The following RAB27A variants were observed in gnomAD, a reference collection of about 807,000 sequenced individuals.
The protein encoded by RAB27A is ras-related protein Rab-27A.
A neutral mutation model predicts 20.8 loss-of-function variants in RAB27A; 17 were observed. The observed-to-expected ratio is 0.82, with a 90% CI of 0.56 to 1.23. The LOEUF is 1.23. Among genes scored for constraint, RAB27A ranks in the 50% most tolerant of loss-of-function variants. RAB27A has a pLI of 0.00. For missense variants in RAB27A, 277 were observed against 266.7 expected (o/e 1.04, Z -0.27); for synonymous variants, 85 against 92.8 (o/e 0.92, Z 0.48).
intron 4 of RAB27A, 66 bp from the exon 5 acceptor site, chr15:55,228,778 G>A (rs1895918187): frequency 9.1e-7 from 1 of 1,104,838 alleles, no homozygotes; most frequent in Non-Finnish European, 1.4e-6. Context: ...AAAACTACAA[G>A]CAATGCCTTC....
chr15:55,220,553 G>A (rs1895522592), intron 6 of RAB27A, among the ~76,000 whole-genome samples: 1 of 152,056 alleles, frequency 6.6e-6, no homozygotes, highest in Admixed American at 6.5e-5. Flanking sequence ...TTGCAGGTAT[G>A]AGCCACCACA....
chr15:55,263,224 A>G lies in RAB27A; in HGVS notation c.-23+6941T>C, dbSNP rs1450904990. ...TTGCATTCGCCAGGGGGTAGGGGAG[A>G]GCAAAGGGAGGTAGTTCTCAGGGTA... On this transcript the variant is annotated intron_variant, in intron 2 of 6. Transcript: ENST00000336787. Among the ~76,000 whole-genome samples, 3 of 151,998 alleles carry G rather than the reference A, an allele frequency of 2.0e-5. No individual in the cohort carries two copies. In the East Asian group the frequency reaches 5.8e-4, roughly 29 times the overall value.
intron 2 of RAB27A, among the ~76,000 whole-genome samples, chr15:55,249,976 T>G (rs1229542734): frequency 1.3e-5 from 2 of 152,150 alleles, no homozygotes; most frequent in African/African-American, 4.8e-5. Flanking sequence ...TTTTTTGTTT[T>G]TTTGAGACAG....
upstream of RAB27A, among the ~76,000 whole-genome samples, chr15:55,293,064 C>G (rs928265490): frequency 6.6e-6 from 1 of 152,162 alleles, no homozygotes; most frequent in Admixed American, 6.5e-5. Context: ...GCCACAGAAT[C>G]GATCACAGTA....
Position 55,204,830 on chromosome 15 carries a change from A to G in RAB27A, c.*677T>C, listed in dbSNP as rs1595660707. 1 of 153,196 alleles carries G rather than the reference A, an allele frequency of 6.5e-6. No homozygotes were observed. The highest frequency in any genetic ancestry group is 1.9e-4 in the East Asian group (1 of 5,194). 9.5% of individuals were successfully genotyped at this position (153,196 alleles called of 1,614,324 possible). ...GACAGAAGTCCCACTTTGGTTGCTC[A>G]TATTACATTAAGCCAGCCTGCCCCA... On this transcript the variant is annotated 3_prime_UTR_variant, in exon 7 of 7. Coordinates refer to ENST00000336787, the MANE Select transcript of RAB27A (RefSeq NM_183235.3).
chr15:55,275,704 T>G (rs1351709541), intron 1 of RAB27A, among the ~76,000 whole-genome samples: 1 of 151,444 alleles, frequency 6.6e-6, no homozygotes, highest in African/African-American at 2.4e-5. Flanking sequence ...ATCCAAAATA[T>G]ACAAGAACCT....
chr15:55,253,732 C>T (rs1266712933), intron 2 of RAB27A, among the ~76,000 whole-genome samples: 1 of 149,316 alleles, frequency 6.7e-6, no homozygotes, highest in East Asian at 1.9e-4. Flanking sequence ...AGAACAAGAG[C>T]CTTGTTTAAA....
intron 5 of RAB27A, among the ~76,000 whole-genome samples, chr15:55,226,798 G>A (rs992194874): frequency 3.3e-5 from 5 of 150,568 alleles, no homozygotes; most frequent in Admixed American, 6.6e-5. Flanking sequence ...AACCCAGGAG[G>A]CAGAGGTTGC....
intron 6 of RAB27A, chr15:55,206,296 A>G: frequency 2.6e-6 from 2 of 755,134 alleles, no homozygotes; most frequent in Non-Finnish European, 3.2e-6. Flanking sequence ...ATAAAAAGAT[A>G]TAAGTAGGGG....
chr15:55,210,632 T>G (rs925073159), intron 6 of RAB27A, among the ~76,000 whole-genome samples: 1 of 151,716 alleles, frequency 6.6e-6, no homozygotes, highest in Non-Finnish European at 1.5e-5. Context: ...TTTTTGCTAT[T>G]GAGTTATTTG....
chr15:55,267,634 C>G (rs193084291), intron 2 of RAB27A, among the ~76,000 whole-genome samples: 2 of 152,178 alleles, frequency 1.3e-5, no homozygotes, highest in Non-Finnish European at 2.9e-5. Flanking sequence ...TCAGCTATCA[C>G]GTATGCTATA....
At chr15:55,289,222 C>A (rs1013905851) in intron 1 of RAB27A, 1 of 152,416 alleles carries the variant, frequency 6.6e-6, no homozygotes, top group Non-Finnish European at 1.5e-5. Flanking sequence ...CAGTCCCGAC[C>A]GGAGGGCCTG....
intron 2 of RAB27A, among the ~76,000 whole-genome samples, chr15:55,269,430 C>G (rs975146609): frequency 6.6e-6 from 1 of 152,172 alleles, no homozygotes; most frequent in Admixed American, 6.5e-5. Context: ...AAAACACACA[C>G]TTACATTCCT....
intron 6 of RAB27A, among the ~76,000 whole-genome samples, chr15:55,216,662 AAACT>A (rs1895321779): frequency 1.3e-5 from 2 of 152,352 alleles, no homozygotes; most frequent in South Asian, 4.1e-4. Context: ...ATAAATTTGC[AAACT>A]AACCCATGAA....
intron 5 of RAB27A, among the ~76,000 whole-genome samples, chr15:55,228,158 A>G (rs1400244931): frequency 6.6e-6 from 1 of 152,208 alleles, no homozygotes; most frequent in African/African-American, 2.4e-5. Context: ...CACAGAAAAG[A>G]CATGAAGCCA....
At chr15:55,254,641 T>C (rs2141047160) in intron 2 of RAB27A, among the ~76,000 whole-genome samples, 1 of 152,348 alleles carries the variant, frequency 6.6e-6, no homozygotes, top group East Asian at 1.9e-4. Context: ...CTATTACTTC[T>C]AATCTAAAAG....
At chr15:55,207,397 C>A (rs764318065) in intron 6 of RAB27A, among the ~76,000 whole-genome samples, 2 of 152,184 alleles carry the variant, frequency 1.3e-5, no homozygotes, top group Non-Finnish European at 2.9e-5. Flanking sequence ...CTGAGAAGGT[C>A]TTAGGGCAGC....
At chr15:55,313,380 G>A (rs137894431) in intron 2 of RAB27A, among the ~76,000 whole-genome samples, 45 of 152,252 alleles carry the variant, frequency 3.0e-4, no homozygotes, top group African/African-American at 1.0e-3. Context: ...AAGCCTGGGT[G>A]ACAGAGCGAG....
upstream of RAB27A, among the ~76,000 whole-genome samples, chr15:55,291,296 G>A (rs1429487240): frequency 6.6e-6 from 1 of 152,088 alleles, no homozygotes; most frequent in Non-Finnish European, 1.5e-5. Context: ...AGATCACGAA[G>A]TCAGGAGATC....
Sources: gnomAD v4.1 joint callset for allele counts (sites outside exome capture counted in the v4.1 genomes callset) on GRCh38, gnomAD v4.1.1 for gene constraint, MANE v1.5 for transcripts, NCBI Gene and HGNC (gene_info 2026-07-23, HGNC 2026-07-21) for gene names.